The following CSRNP1 variants were observed in gnomAD, a reference collection of about 807,000 sequenced individuals.
CSRNP1 encodes cysteine and serine rich nuclear protein 1.
Under a neutral mutation model 25.0 loss-of-function variants are expected in CSRNP1, and 8 were observed. The ratio of observed to expected loss-of-function variants is 0.32; its 90% CI spans 0.19 to 0.58. CSRNP1 has a LOEUF of 0.58. CSRNP1 is among the 20% of genes least tolerant of loss of function. The pLI is 0.88. For synonymous variants in CSRNP1, 305 were observed against 303.1 expected, an observed-to-expected ratio of 1.01 and a Z score of -0.06; for missense variants, 691 against 773.1, an observed-to-expected ratio of 0.89 and a Z score of 1.26.
upstream of CSRNP1, chr3:39,153,602 A>AGCCCC (rs1304256739): frequency 9.4e-5 from 14 of 149,388 alleles, no homozygotes; most frequent in African/African-American, 3.6e-4. Flanking sequence ...GCCTGCGCCC[A>AGCCCC]GCCCCGCCCG....
At position 39,153,514 on chromosome 3, in the gene CSRNP1, G is replaced by T; in HGVS notation, c.-117C>A. ...GGGACGCCCCCTGCGCCGCGACTCT[G>T]TGCGCTCGGCCCGGCAGCCGTCGGT... On this transcript the variant is annotated 5_prime_UTR_variant, in exon 1 of 5. Coordinates refer to ENST00000273153, the MANE Select transcript of CSRNP1 (RefSeq NM_033027.4). The T allele has an allele frequency of 4.0e-6, 1 of 247,366 alleles. No individual in the cohort carries two copies. Among genetic ancestry groups the T allele is most frequent in the Non-Finnish European group, 8.6e-6 (1 of 116,544 alleles). 15.3% of individuals were successfully genotyped at this position (247,366 alleles called of 1,614,324 possible). A position where few individuals can be genotyped will look rare whatever the true frequency, so the allele number is the denominator to read the frequency against.
intron 1 of CSRNP1, among the ~76,000 whole-genome samples, chr3:39,147,235 G>GTA (rs145442435): frequency 6.7e-6 from 1 of 149,370 alleles, no homozygotes; most frequent in Non-Finnish European, 1.5e-5. Context: ...GTGTGTGTGT[G>GTA]TATGTGTGTG....
intron 3 of CSRNP1, 75 bp downstream of exon 3, chr3:39,144,922 T>A (rs1386812482): frequency 1.5e-3 from 1,559 of 1,019,726 alleles, no homozygotes; most frequent in Non-Finnish European, 1.9e-3. Flanking sequence ...CACCCACCCC[T>A]GGTACGCCCA....
At chr3:39,149,248 C>CT (rs1191071798) in intron 1 of CSRNP1, 3 of 152,074 alleles carry the variant, frequency 2.0e-5, no homozygotes, top group African/African-American at 7.2e-5. Context: ...CAGAACTACT[C>CT]TGTGATGATA....
chr3:39,143,671 C>A lies in CSRNP1; in HGVS notation c.1154G>T (p.Gly385Val). ...PGLPGPGFQP[G>V]VDDDSLARIL... Reference sequence around the variant, plus strand: ...GCGTGCCAGGCTGTCATCATCAACGCCAGGCTGGAAGCCAGGGCCAGGCAG... The same window carrying A: ...GCGTGCCAGGCTGTCATCATCAACGACAGGCTGGAAGCCAGGGCCAGGCAG... Residue 385 changes from glycine to valine, a missense_variant, in exon 5 of 5, where the codon GGC becomes GTC. Transcript: ENST00000273153. 6.2e-7 allele frequency: 1 copy of A among 1,614,210 alleles called. No homozygotes were observed. Among genetic ancestry groups the A allele is most frequent in the Non-Finnish European group, 8.5e-7 (1 of 1,180,036 alleles).
In CSRNP1 at chr3:39,146,621, G is replaced by A. The variant is rs771288688; in HGVS notation, c.62C>T (p.Ser21Phe). The change falls in exon 2 of 5, where the codon TCC (serine) becomes TTC (phenylalanine). Residue 21 changes from serine to phenylalanine, a missense_variant. Transcript: ENST00000273153. ...CTGGCACCCAGAGGAAGAGGAGGAGGAGGAGACCGAGGAGTTGTCCTCATC... is the reference window on the plus strand; with the variant it reads ...CTGGCACCCAGAGGAAGAGGAGGAGAAGGAGACCGAGGAGTTGTCCTCATC... ...QLDEDNSSVS[S>F]SSSSSGCQSR... The A allele has an allele frequency of 1.2e-5, 19 of 1,571,810 alleles. No homozygotes were observed. The highest frequency in any genetic ancestry group is 3.3e-4 in the Middle Eastern group (2 of 6,024).
At chr3:39,153,131 G>T (rs779156965) in intron 1 of CSRNP1, 1 of 152,508 alleles carries the variant, frequency 6.6e-6, no homozygotes, top group East Asian at 1.9e-4. Flanking sequence ...CGCCCCCGTC[G>T]CCTCGCCGCT....
intron 3 of CSRNP1, 56 bp downstream of exon 3, chr3:39,144,940 AG>A: frequency 6.5e-7 from 1 of 1,537,994 alleles, no homozygotes; most frequent in Non-Finnish European, 8.8e-7. Flanking sequence ...CCACCCCTCA[AG>A]GTTAGGACTC....
Position 39,145,024 on chromosome 3 carries a change from C to T in CSRNP1, c.438G>A (p.Glu146=), listed in dbSNP as rs765195891. 2.0e-5 allele frequency: 32 copies of T among 1,611,932 alleles called. 2 individuals are homozygous for T. The South Asian group carries it at 3.4e-4, about 17-fold the overall frequency. Residue 146 remains glutamate, a synonymous_variant, in exon 3 of 5, where the codon GAG becomes GAA. Transcript: ENST00000273153. ...TCCACTGCAGCATCTCCAACTTCTCCTCTTTCAAGCGCTGGCGGAGCTTCT... is the reference window on the plus strand; with the variant it reads ...TCCACTGCAGCATCTCCAACTTCTCTTCTTTCAAGCGCTGGCGGAGCTTCT... ...RHEKLRQRLK[E]EKLEMLQWKL... is the part of the protein sequence containing the mutation.
chr3:39,143,810 T>C lies in CSRNP1; in HGVS notation c.1015A>G (p.Met339Val), dbSNP rs1319552416. The change falls in exon 5 of 5, where the codon ATG becomes GTG. Residue 339 changes from methionine (M) to valine (V), a missense_variant. Transcript: ENST00000273153. The part of the protein sequence containing the change: ...VPTFPLAKPP[M>V]NNELGDNSCS... ...CTGTTGTCTCCCAGCTCATTGTTCA[T>C]GGGGGGCTTGGCCAGTGGGAAAGTA... The C allele has an allele frequency of 1.2e-6, 2 of 1,614,062 alleles. No homozygotes were observed. Among genetic ancestry groups the C allele is most frequent in the Non-Finnish European group, 1.7e-6 (2 of 1,180,014 alleles).
At position 39,144,169 on chromosome 3, in the gene CSRNP1, A is replaced by C. The variant is rs1452936894; in HGVS notation, c.748T>G (p.Cys250Gly). 4 of 1,613,732 alleles carry C rather than the reference A, an allele frequency of 2.5e-6. No individual in the cohort carries two copies. The highest frequency in any genetic ancestry group is 3.4e-6 in the Non-Finnish European group (4 of 1,179,726). ...TTGATGCCTGCCAGGCTGCAGCTGC[A>C]GGTCTCAGGGTCGCAGATCCTATCG... ...HCDRICDPET[C>G]SCSLAGIKCQ... The change falls in exon 4 of 5, where the codon TGC (cysteine) becomes GGC (glycine). Residue 250 changes from cysteine to glycine, a missense_variant. Physicochemically the swap from Cys to Gly is radical, Grantham distance 159. Transcript: ENST00000273153.
At chr3:39,147,502 G>A (rs1003498223) in intron 1 of CSRNP1, among the ~76,000 whole-genome samples, 2 of 151,988 alleles carry the variant, frequency 1.3e-5, no homozygotes, top group African/African-American at 2.4e-5. Context: ...AGAAACCCCC[G>A]CTCCACTGTC....
At chr3:39,146,750 T>TGGCA (rs1195554632) in intron 1 of CSRNP1, 28 bp from the exon 2 acceptor site, 50 of 1,529,578 alleles carry the variant, frequency 3.3e-5, no homozygotes, top group Middle Eastern at 2.1e-4. Context: ...AGGCTCTAAG[T>TGGCA]GGCAGGCAGG....
chr3:39,143,931 G>A lies in CSRNP1; in HGVS notation c.894C>T (p.Thr298=). 3.1e-6 allele frequency: 5 copies of A among 1,614,208 alleles called. No homozygotes were observed. The highest frequency in any genetic ancestry group is 4.2e-6 in the Non-Finnish European group (5 of 1,180,026). ...RVQTHFIHTL[T]RLQLEQEAES... ...CAGCCTCCTGTTCCAACTGCAGGCG[G>A]GTGAGTGTGTGGATGAAATGGGTCT... Residue 298 remains threonine, a synonymous_variant, in exon 5 of 5, where the codon ACC becomes ACT. Transcript: ENST00000273153.
intron 1 of CSRNP1, 44 bp from the exon 2 acceptor site, chr3:39,146,766 G>GC: frequency 6.6e-7 from 1 of 1,514,742 alleles, no homozygotes; most frequent in Non-Finnish European, 8.8e-7. Context: ...GCAGGCAGCA[G>GC]CAGGTGGACT....
Position 39,146,684 on chromosome 3 carries a change from G to A in CSRNP1, c.-2C>T. On this transcript the variant is annotated 5_prime_UTR_variant, in exon 2 of 5. Coordinates refer to ENST00000273153, the MANE Select transcript of CSRNP1 (RefSeq NM_033027.4). Reference sequence around the variant, plus strand: ...TTTCCTCTTCAACAGCCCAGTCATGGTGGTGCCGGACGTGCTCTGGGGTCT... The same window carrying A: ...TTTCCTCTTCAACAGCCCAGTCATGATGGTGCCGGACGTGCTCTGGGGTCT... 2 of 1,559,522 alleles carry A rather than the reference G, an allele frequency of 1.3e-6. No homozygotes were observed. Among genetic ancestry groups the A allele is most frequent in the East Asian group, 2.4e-5 (1 of 41,450 alleles).
chr3:39,152,824 C>G (rs1188278509), intron 1 of CSRNP1: 1 of 152,974 alleles, frequency 6.5e-6, no homozygotes, highest in Non-Finnish European at 1.5e-5. Context: ...TAGCTGAGCC[C>G]GTGACTCACA....
chr3:39,146,592 G>A lies in CSRNP1; in HGVS notation c.91C>T (p.Arg31Cys), dbSNP rs144818359. 58 of 1,564,922 alleles carry A rather than the reference G, an allele frequency of 3.7e-5. No individual in the cohort carries two copies. The highest frequency in any genetic ancestry group is 7.6e-5 in the Admixed American group (4 of 52,670). The change falls in exon 2 of 5, where the codon CGC becomes TGC. Residue 31 changes from arginine to cysteine, a missense_variant. Arg to Cys is a radical substitution (Grantham distance 180, BLOSUM62 -3). Transcript: ENST00000273153. ...ACAGAAGAGCTTGGGGAGCAGGAGC[G>A]AGACTGGCACCCAGAGGAAGAGGAG... Reference protein sequence around the residue: ...SSSSSSGCQSRSCSPSSSVSR... With the variant: ...SSSSSSGCQSCSCSPSSSVSR...
intron 2 of CSRNP1, 40 bp downstream of exon 2, chr3:39,146,438 G>A (rs1336523573): frequency 3.4e-5 from 50 of 1,483,710 alleles, no homozygotes; most frequent in Non-Finnish European, 4.3e-5. Context: ...TTTCAGGAAG[G>A]CAGGCAGGTG....
Sources: gnomAD v4.1 joint callset for allele counts (sites outside exome capture counted in the v4.1 genomes callset) on GRCh38, gnomAD v4.1.1 for gene constraint, MANE v1.5 for transcripts, NCBI Gene and HGNC (gene_info 2026-07-23, HGNC 2026-07-21) for gene names.